Variants in GRM3 observed in about 807,000 individuals in gnomAD.
GRM3 encodes the protein metabotropic glutamate receptor 3.
In GRM3, 26 loss-of-function variants were observed where a neutral mutation model predicts 70.5. That is an observed-to-expected ratio of 0.37 (90% confidence interval 0.27 to 0.51). GRM3 has a LOEUF of 0.51. GRM3 is among the 20% of genes least tolerant of loss of function. GRM3 has a pLI of 0.93. For missense variants in GRM3, 859 were observed against 1,123.8 expected (o/e 0.76, Z 3.37); for synonymous variants, 443 against 434.9 (o/e 1.02, Z -0.23).
rs1295001154 is a variant in GRM3, at chr7:86,644,878, G to T, written c.-141+6G>T. 60 of 1,283,926 alleles carry T rather than the reference G, an allele frequency of 4.7e-5. No homozygotes were observed. The highest frequency in any genetic ancestry group is 5.9e-5 in the Non-Finnish European group (58 of 983,956). 79.5% of individuals were successfully genotyped at this position (1,283,926 alleles called of 1,614,324 possible). ...CCAGGAGTTGTCGGTGCGAGGTAAG[G>T]GTCCCAGAGGAGGACGTGTCCCTCT... is the stretch of plus-strand genomic sequence containing the variant. On this transcript the variant is annotated splice_donor_region_variant and intron_variant, in intron 1 of 5. Transcript: ENST00000361669.
At chr7:86,699,902 C>G (rs1006102665) in intron 1 of GRM3, among the ~76,000 whole-genome samples, 1 of 151,904 alleles carries the variant, frequency 6.6e-6, no homozygotes, top group Non-Finnish European at 1.5e-5. Flanking sequence ...TGACCTGCAT[C>G]CATGTAAATT....
intron 3 of GRM3, among the ~76,000 whole-genome samples, chr7:86,833,588 G>A (rs1798397245): frequency 6.6e-6 from 1 of 152,150 alleles, no homozygotes; most frequent in African/African-American, 2.4e-5. Flanking sequence ...CACTCCAGCA[G>A]CACCTAAGAG....
At chr7:86,663,464 A>C (rs1032464008) in intron 1 of GRM3, among the ~76,000 whole-genome samples, 1 of 152,004 alleles carries the variant, frequency 6.6e-6, no homozygotes, top group Non-Finnish European at 1.5e-5. Context: ...AGCTGTTTGG[A>C]GGTAACTGAG....
chr7:86,727,833 C>T (rs528264862), intron 1 of GRM3, among the ~76,000 whole-genome samples: 2 of 152,118 alleles, frequency 1.3e-5, no homozygotes, highest in Non-Finnish European at 2.9e-5. Flanking sequence ...TTTACACAAA[C>T]TTGTAATGGA....
chr7:86,694,185 T>G (rs1223617998), intron 1 of GRM3, among the ~76,000 whole-genome samples: 1 of 152,052 alleles, frequency 6.6e-6, no homozygotes, highest in Non-Finnish European at 1.5e-5. Flanking sequence ...CTCTAACAAC[T>G]GACCAAATAA....
At chr7:86,821,119 A>C (rs1798110543) in intron 3 of GRM3, among the ~76,000 whole-genome samples, 1 of 152,188 alleles carries the variant, frequency 6.6e-6, no homozygotes. Context: ...TGCAAAAGTT[A>C]TAAGGGGACA....
intron 1 of GRM3, among the ~76,000 whole-genome samples, chr7:86,681,571 G>T (rs1404787940): frequency 6.6e-6 from 1 of 152,006 alleles, no homozygotes; most frequent in Non-Finnish European, 1.5e-5. Context: ...TTTGGTGGCT[G>T]GGGGGTGAGG....
rs574029922 is a variant in GRM3, at chr7:86,677,593, T to G, written c.-141+32721T>G. 1.6e-4 allele frequency among the ~76,000 whole-genome samples: 24 copies of G among 152,056 alleles called. No individual in the cohort carries two copies. The South Asian group carries it at 4.8e-3, about 30-fold the overall frequency. On this transcript the variant is annotated intron_variant, in intron 1 of 5. Transcript: ENST00000361669. ...AAAACAAGAGTATCATGAAAGAAAA[T>G]TAAGATTTTTATTAATTCTAAAACT...
At chr7:86,706,293 TC>T (rs1464606266) in intron 1 of GRM3, among the ~76,000 whole-genome samples, 6 of 152,038 alleles carry the variant, frequency 3.9e-5, no homozygotes, top group Admixed American at 1.3e-4. Context: ...ATTTGTTATC[TC>T]CATAAACAAA....
At chr7:86,754,556 G>A (rs772966588) in intron 1 of GRM3, among the ~76,000 whole-genome samples, 3 of 151,944 alleles carry the variant, frequency 2.0e-5, no homozygotes, top group Non-Finnish European at 4.4e-5. Flanking sequence ...CATCTGAGAT[G>A]GCATCTATAT....
intron 3 of GRM3, among the ~76,000 whole-genome samples, chr7:86,822,158 AG>A (rs1798135217): frequency 6.6e-6 from 1 of 152,100 alleles, no homozygotes; most frequent in African/African-American, 2.4e-5. Flanking sequence ...ATTTTACTAA[AG>A]CACACTAACG....
chr7:86,646,016 TGGGAGGGAGTTTAGGGGG>T (rs1793462659), intron 1 of GRM3, among the ~76,000 whole-genome samples: 3 of 9,874 alleles, frequency 3.0e-4, no homozygotes, highest in African/African-American at 8.4e-4. Context: ...TGGGGGGGGG[TGGGAGGGAGTTTAGGGGG>T]TGGAGTCTGC....
At chr7:86,793,586 G>C (rs1391898024) in intron 3 of GRM3, among the ~76,000 whole-genome samples, 4 of 152,148 alleles carry the variant, frequency 2.6e-5, no homozygotes, top group Non-Finnish European at 1.5e-5. Flanking sequence ...TCAGCTTCCT[G>C]GGGTCATAAG....
chr7:86,659,374 A>G (rs934940126), intron 1 of GRM3, among the ~76,000 whole-genome samples: 19 of 152,278 alleles, frequency 1.2e-4, no homozygotes, highest in Middle Eastern at 3.4e-3. Flanking sequence ...TTTAATCTTC[A>G]TGGTAGCCCT....
At chr7:86,750,349 G>A (rs2074657470) in intron 1 of GRM3, among the ~76,000 whole-genome samples, 1 of 152,034 alleles carries the variant, frequency 6.6e-6, no homozygotes, top group South Asian at 2.1e-4. Flanking sequence ...TACAGACTAT[G>A]ACCAAATATG....
In GRM3 at chr7:86,816,944, A is replaced by AGAAG. The variant is rs397772435; in HGVS notation, c.1325-21895_1325-21894insGAAG. Among the ~76,000 whole-genome samples, 62 of 150,286 alleles carry AGAAG rather than the reference A, an allele frequency of 4.1e-4. 1 individual carries two copies. Among genetic ancestry groups the AGAAG allele is most frequent in the Non-Finnish European group, 7.7e-4 (52 of 67,534 alleles). On this transcript the variant is annotated intron_variant, in intron 3 of 5. Coordinates refer to ENST00000361669, the MANE Select transcript of GRM3 (RefSeq NM_000840.3). ...AAGATCATTCAGGGAAAAGATGAAGAAAGAGAAAAAGGCACAGAACAGAAC... is the reference window on the plus strand; with the variant it reads ...AAGATCATTCAGGGAAAAGATGAAGAGAAGAAGAGAAAAAGGCACAGAACAGAAC...
chr7:86,787,037 T>A lies in GRM3; in HGVS notation c.1245T>A (p.Thr415=). The change falls in exon 3 of 6, where the codon ACT becomes ACA. Residue 415 remains threonine, a synonymous_variant. Transcript: ENST00000361669. ...HKMQRTLCPN[T]TKLCDAMKIL... is the part of the protein sequence containing the mutation. ...TGCAGCGCACCCTCTGTCCCAACAC[T>A]ACCAAGCTTTGTGATGCTATGAAGA... is the stretch of plus-strand genomic sequence containing the variant. 6.2e-7 allele frequency: 1 copy of A among 1,613,322 alleles called. No homozygotes were observed. The highest frequency in any genetic ancestry group is 2.2e-5 in the East Asian group (1 of 44,880).
chr7:86,721,807 G>A (rs1429232179), intron 1 of GRM3, among the ~76,000 whole-genome samples: 2 of 152,118 alleles, frequency 1.3e-5, no homozygotes, highest in Non-Finnish European at 2.9e-5. Context: ...AGACAGCATT[G>A]GGAGGCACTT....
intron 3 of GRM3, among the ~76,000 whole-genome samples, chr7:86,805,283 T>G (rs918863853): frequency 6.6e-6 from 1 of 152,026 alleles, no homozygotes; most frequent in African/African-American, 2.4e-5. Context: ...CTAGACTTTA[T>G]TTTTTTAGAG....
Sources: gnomAD v4.1 joint callset for allele counts (sites outside exome capture counted in the v4.1 genomes callset) on GRCh38, gnomAD v4.1.1 for gene constraint, MANE v1.5 for transcripts, NCBI Gene and HGNC (gene_info 2026-07-23, HGNC 2026-07-21) for gene names.